OSMR: variants seen among roughly 807,000 people sequenced by gnomAD.
OSMR encodes oncostatin-M-specific receptor subunit beta.
OSMR carries 81 observed loss-of-function variants against 99.9 expected under a neutral mutation model. The observed-to-expected ratio is 0.81, with a 90% confidence interval of 0.68 to 0.97. The LOEUF (loss-of-function observed/expected upper bound fraction) is 0.97. Among genes scored for constraint, OSMR ranks in the 50% least tolerant of loss-of-function variants. The pLI is 0.00. For synonymous variants in OSMR, 406 were observed against 410.4 expected (o/e 0.99, Z 0.13); for missense variants, 1,099 against 1,153.4 (o/e 0.95, Z 0.68).
intron 1 of OSMR, among the ~76,000 whole-genome samples, chr5:38,862,466 G>C (rs1451166463): frequency 1.3e-5 from 2 of 150,232 alleles, no homozygotes; most frequent in African/African-American, 4.9e-5. Context: ...GGGCTGAGAC[G>C]CTCCTCACTT....
chr5:38,905,455 T>G (rs954358427), intron 9 of OSMR, among the ~76,000 whole-genome samples: 1 of 150,650 alleles, frequency 6.6e-6, no homozygotes, highest in East Asian at 2.0e-4. Context: ...GCCACTGCAC[T>G]CCAGCCTGGG....
chr5:38,919,265 C>T, intron 11 of OSMR: 1 of 1,512,206 alleles, frequency 6.6e-7, no homozygotes. Context: ...GAGACTTCAG[C>T]CATGGCTCAG....
chr5:38,940,935 A>C (rs895402352), intron 1 of OSMR: 5 of 232,648 alleles, frequency 2.1e-5, no homozygotes, highest in African/African-American at 8.8e-5. Flanking sequence ...AATGTTATAC[A>C]CAAATGAATT....
intron 10 of OSMR, 147 bp from the exon 11 acceptor site, chr5:38,918,691 TGA>T: frequency 6.8e-7 from 1 of 1,465,980 alleles, no homozygotes; most frequent in Non-Finnish European, 9.0e-7. Flanking sequence ...CAGAGTTGGT[TGA>T]GAGAGTTATT....
In OSMR at chr5:38,862,127, G is replaced by T. The variant is rs370685561; in HGVS notation, c.-13-6905G>T. ...ACCCCCCACCTCCCTCCCGGACGGG[G>T]CGGCTGGCCGGGCAGAGGGGCTCCT... On this transcript the variant is annotated intron_variant, in intron 1 of 17. Transcript: ENST00000274276. 0.014 allele frequency among the ~76,000 whole-genome samples: 1,630 copies of T among 120,720 alleles called. 129 individuals are homozygous for T. The East Asian group carries it at 0.16, about 12-fold the overall frequency. The allele number at this position is 120,720 out of a possible 152,430, so 79.2% of individuals were successfully genotyped here. A position where few individuals can be genotyped will look rare whatever the true frequency, so the allele number is the denominator to read the frequency against.
At chr5:38,927,292 G>A (rs1469925858) in intron 15 of OSMR, among the ~76,000 whole-genome samples, 1 of 152,232 alleles carries the variant, frequency 6.6e-6, no homozygotes, top group Non-Finnish European at 1.5e-5. Context: ...GGGATTCTCT[G>A]TGGGGGCTCC....
At chr5:38,899,865 T>C (rs1744782872) in intron 7 of OSMR, among the ~76,000 whole-genome samples, 2 of 152,192 alleles carry the variant, frequency 1.3e-5, no homozygotes, top group African/African-American at 2.4e-5. Context: ...TGAGCTGTGC[T>C]GCCTGGGGTT....
chr5:38,910,565 A>G (rs1745515156), intron 9 of OSMR, among the ~76,000 whole-genome samples: 1 of 152,244 alleles, frequency 6.6e-6, no homozygotes, highest in African/African-American at 2.4e-5. Context: ...AAAATTACTC[A>G]AAACCACCCG....
intron 2 of OSMR, 162 bp from the exon 3 acceptor site, chr5:38,876,039 T>G: frequency 1.9e-6 from 1 of 532,024 alleles, no homozygotes. Context: ...CTAAGTGATT[T>G]CTAAATTCTC....
rs780414796 is a variant in OSMR, at chr5:38,885,349, A to C, written c.704A>C (p.Lys235Thr). ...GGTCTGTTTTCCTTTGTATGGACAG[A>C]AGTACTTGAGGAGCCCAAGGACTTT... The part of the protein sequence containing the change: ...GMKGIVLFVS[K>T]VLEEPKDFSC... The change falls in exon 6 of 18, where the codon AAA (lysine) becomes ACA (threonine). Residue 235 changes from lysine to threonine, a missense_variant and splice_region_variant. Lys to Thr is a moderately conservative substitution (Grantham distance 78). Coordinates refer to ENST00000274276, the MANE Select transcript of OSMR (RefSeq NM_003999.3). The C allele has an allele frequency of 7.4e-6, 12 of 1,613,680 alleles. No individual in the cohort carries two copies. In the East Asian group the frequency reaches 2.5e-4, roughly 33 times the overall value.
At chr5:38,920,504 G>A (rs189694195) in intron 11 of OSMR, among the ~76,000 whole-genome samples, 170 of 152,322 alleles carry the variant, frequency 1.1e-3, no homozygotes, top group Non-Finnish European at 1.8e-3. Context: ...AGGGGCATTT[G>A]TCTGCTTGAT....
At chr5:38,892,347 G>A (rs1364425107) in intron 7 of OSMR, among the ~76,000 whole-genome samples, 1 of 152,094 alleles carries the variant, frequency 6.6e-6, no homozygotes, top group East Asian at 1.9e-4. Context: ...CCCTGCCTGA[G>A]AGTTAGTTTG....
chr5:38,853,504 T>C lies in OSMR; in HGVS notation c.-14+7117T>C, dbSNP rs139552098. ...TGTCAGAGTCCATGGTACTTAATTATTAATATTACAGCTTCCTTTTCCCAC... is the reference window on the plus strand; with the variant it reads ...TGTCAGAGTCCATGGTACTTAATTACTAATATTACAGCTTCCTTTTCCCAC... On this transcript the variant is annotated intron_variant, in intron 1 of 17. Transcript: ENST00000274276. 2.3e-3 allele frequency among the ~76,000 whole-genome samples: 333 copies of C among 145,490 alleles called. 1 individual carries two copies. The highest frequency in any genetic ancestry group is 8.0e-3 in the African/African-American group (323 of 40,446).
At chr5:38,856,511 C>T (rs1740858353) in intron 1 of OSMR, among the ~76,000 whole-genome samples, 1 of 151,616 alleles carries the variant, frequency 6.6e-6, no homozygotes, top group Non-Finnish European at 1.5e-5. Flanking sequence ...CTGCTTGCCC[C>T]TGCCCAACAT....
Position 38,924,412 on chromosome 5 carries a change from C to G in OSMR, c.1871-10C>G. 1 of 1,614,120 alleles carries G rather than the reference C, an allele frequency of 6.2e-7. No homozygotes were observed. Among genetic ancestry groups the G allele is most frequent in the South Asian group, 1.1e-5 (1 of 91,068 alleles). ...CATGACTTTTCTCTTATCCCAACTT[C>G]TTTTCCTAGCTCCTTCAGACAACCC... On this transcript the variant is annotated splice_polypyrimidine_tract_variant and intron_variant, in intron 13 of 17. Transcript: ENST00000274276.
rs773297546 is a variant in OSMR at position 38,886,067 on chromosome 5, C to T, written c.868C>T (p.His290Tyr). ...TTCTGGGGAAAAGAAACTTTGTACA[C>T]ACAAAAACTGGTGTAATTGGCAAAT... ...SFSGEKKLCT[H>Y]KNWCNWQITQ... is the part of the protein sequence containing the mutation. Residue 290 changes from histidine to tyrosine, a missense_variant, in exon 7 of 18, where the codon CAC becomes TAC. Coordinates refer to ENST00000274276, the MANE Select transcript of OSMR (RefSeq NM_003999.3). 5.0e-6 allele frequency: 8 copies of T among 1,613,662 alleles called. No individual in the cohort carries two copies. The Admixed American group carries it at 1.3e-4, about 27-fold the overall frequency.
intron 7 of OSMR, among the ~76,000 whole-genome samples, chr5:38,887,958 T>G (rs1480104537): frequency 6.6e-6 from 1 of 152,198 alleles, no homozygotes; most frequent in African/African-American, 2.4e-5. Flanking sequence ...GTTCTTCGTT[T>G]CGCGCCGGTT....
chr5:38,854,157 G>T lies in OSMR; in HGVS notation c.-14+7770G>T, dbSNP rs3805560. ...TTCATAAATGCATACACCCAGGCAT[G>T]AGACCTCCAAGAAAGGGCTTCTTCC... On this transcript the variant is annotated intron_variant, in intron 1 of 17. Transcript: ENST00000274276. 0.014 allele frequency among the ~76,000 whole-genome samples: 2,158 copies of T among 152,156 alleles called. 76 individuals carry two copies. In the East Asian group the frequency reaches 0.15, roughly 10 times the overall value.
intron 17 of OSMR, 38 bp downstream of exon 17, chr5:38,932,573 T>C: frequency 3.8e-6 from 6 of 1,586,010 alleles, no homozygotes; most frequent in Non-Finnish European, 5.2e-6. Flanking sequence ...CATATACCTA[T>C]TAAGGACTAA....
Sources: allele counts gnomAD v4.1 joint callset (sites outside exome capture counted in the v4.1 genomes callset), GRCh38; gene constraint gnomAD v4.1.1; transcripts MANE v1.5; gene names NCBI Gene and HGNC (gene_info 2026-07-23, HGNC 2026-07-21).